CFAP54: variants seen among roughly 807,000 people sequenced by gnomAD.
CFAP54 encodes cilia and flagella associated protein 54.
Under a neutral mutation model 370.4 loss-of-function variants are expected in CFAP54, and 290 were observed. The ratio of observed to expected loss-of-function variants is 0.78; its 90% CI spans 0.71 to 0.86. The LOEUF (loss-of-function observed/expected upper bound fraction) is 0.86. Ranked by LOEUF, CFAP54 falls within the 40% of genes least tolerant of loss-of-function variation. The pLI, the probability that CFAP54 is intolerant of heterozygous loss-of-function variation, is 0.00. For missense variants in CFAP54, 3,399 were observed against 3,528.7 expected, an observed-to-expected ratio of 0.96 and a Z score of 0.93; for synonymous variants, 1,206 against 1,236.5, an observed-to-expected ratio of 0.98 and a Z score of 0.52.
At chr12:96,663,101 G>A (rs1957013409) in intron 38 of CFAP54, among the ~76,000 whole-genome samples, 1 of 152,164 alleles carries the variant, frequency 6.6e-6, no homozygotes, top group South Asian at 2.1e-4. Flanking sequence ...GGAAGCTGGA[G>A]AAATAGAAAA....
intron 58 of CFAP54, among the ~76,000 whole-genome samples, chr12:96,757,930 G>A (rs1204020031): frequency 2.0e-5 from 3 of 152,136 alleles, no homozygotes; most frequent in African/African-American, 7.2e-5. Context: ...TATTGATCAG[G>A]AAAATTCAAG....
At chr12:96,794,520 G>A (rs531546983) in intron 63 of CFAP54, among the ~76,000 whole-genome samples, 2 of 151,116 alleles carry the variant, frequency 1.3e-5, no homozygotes, top group South Asian at 4.2e-4. Context: ...ATACTTGTTC[G>A]ATTCTATTGT....
intron 19 of CFAP54, chr12:96,573,123 T>A: frequency 1.2e-6 from 1 of 805,852 alleles, no homozygotes; most frequent in Non-Finnish European, 1.5e-6. Flanking sequence ...GCTCCAGACA[T>A]AATCCCGAGG....
intron 2 of CFAP54, among the ~76,000 whole-genome samples, chr12:96,503,304 TTTTCC>T (rs1392311389): frequency 4.2e-5 from 6 of 144,098 alleles, no homozygotes; most frequent in South Asian, 4.6e-4. Context: ...TTCCCTTTTC[TTTTCC>T]TTTCCTTTCC....
chr12:96,757,732 C>G (rs891194730), intron 58 of CFAP54, 144 bp downstream of exon 58: 1 of 515,252 alleles, frequency 1.9e-6, no homozygotes, highest in Non-Finnish European at 3.4e-6. Flanking sequence ...ACACTTGTAA[C>G]TATGTTACAA....
chr12:96,495,817 A>T (rs559349560), intron 1 of CFAP54, among the ~76,000 whole-genome samples: 1 of 152,218 alleles, frequency 6.6e-6, no homozygotes, highest in East Asian at 1.9e-4. Context: ...TTTCTTTCTT[A>T]TTATATAATC....
At chr12:96,709,739 C>A (rs908345168) in intron 48 of CFAP54, among the ~76,000 whole-genome samples, 1 of 77,736 alleles carries the variant, frequency 1.3e-5, no homozygotes, top group Non-Finnish European at 2.6e-5. Context: ...TTATTGTTTT[C>A]GAGATGGAGT....
At chr12:96,647,613 G>A (rs900488579) in intron 33 of CFAP54, among the ~76,000 whole-genome samples, 3 of 151,740 alleles carry the variant, frequency 2.0e-5, no homozygotes, top group African/African-American at 4.8e-5. Flanking sequence ...CACAGAGCCG[G>A]CACAGATATT....
intron 61 of CFAP54, 126 bp from the exon 62 acceptor site, chr12:96,786,549 G>A (rs997335356): frequency 1.8e-5 from 12 of 675,824 alleles, no homozygotes; most frequent in Non-Finnish European, 2.4e-5. Context: ...ACAGAGGGAC[G>A]TCATTGGCAG....
rs75383522 is a variant in CFAP54, at chr12:96,543,989, G to T, written c.2077+3002G>T. ...CTCTGGCCTCCCTTTCCAATATTCA[G>T]ATGTGACTCTGTGATACTATGATAT... On this transcript the variant is annotated intron_variant, in intron 14 of 67. Transcript: ENST00000524981. Among the ~76,000 whole-genome samples the T allele has an allele frequency of 9.4e-3, 1,423 of 152,144 alleles. 23 individuals carry two copies. Among genetic ancestry groups the T allele is most frequent in the African/African-American group, 0.033 (1,351 of 41,498 alleles).
intron 60 of CFAP54, among the ~76,000 whole-genome samples, chr12:96,772,973 G>A (rs1366679253): frequency 6.6e-6 from 1 of 151,720 alleles, no homozygotes; most frequent in East Asian, 1.9e-4. Context: ...CTGGGGATTA[G>A]ACATGAACAT....
intron 9 of CFAP54, among the ~76,000 whole-genome samples, chr12:96,531,674 T>C (rs1293441500): frequency 6.6e-6 from 1 of 152,162 alleles, no homozygotes; most frequent in Non-Finnish European, 1.5e-5. Flanking sequence ...TCTACTCTTC[T>C]GTTTACCTAT....
intron 67 of CFAP54, among the ~76,000 whole-genome samples, chr12:96,862,740 A>G (rs1959908716): frequency 1.3e-5 from 2 of 152,190 alleles, no homozygotes; most frequent in Non-Finnish European, 2.9e-5. Flanking sequence ...TCAAACAGAA[A>G]AGCTATTTGG....
At chr12:96,729,394 C>G (rs1957887425) in intron 50 of CFAP54, among the ~76,000 whole-genome samples, 1 of 152,248 alleles carries the variant, frequency 6.6e-6, no homozygotes, top group South Asian at 2.1e-4. Context: ...GCGGGCGCCC[C>G]TCCCCCAGCC....
intron 49 of CFAP54, among the ~76,000 whole-genome samples, chr12:96,719,785 G>A (rs1039963611): frequency 6.6e-6 from 1 of 152,080 alleles, no homozygotes; most frequent in Admixed American, 6.6e-5. Flanking sequence ...CATGCTTTTT[G>A]AATTTTTGTC....
At position 96,515,794 on chromosome 12, in the gene CFAP54, A is replaced by G. The variant is rs142725468; in HGVS notation, c.798+2750A>G. On this transcript the variant is annotated intron_variant, in intron 5 of 67. Transcript: ENST00000524981. Reference sequence around the variant, plus strand: ...TGAGGTGGGCACTAGCATCATCATCATTAACATTGATTGAATGAATGCCTA... The same window carrying G: ...TGAGGTGGGCACTAGCATCATCATCGTTAACATTGATTGAATGAATGCCTA... Among the ~76,000 whole-genome samples, 688 of 151,914 alleles carry G rather than the reference A, an allele frequency of 4.5e-3. 3 individuals carry two copies. Among genetic ancestry groups the G allele is most frequent in the African/African-American group, 0.016 (654 of 41,432 alleles).
intron 41 of CFAP54, 143 bp from the exon 42 acceptor site, chr12:96,684,886 G>C (rs1299785272): frequency 4.1e-6 from 4 of 968,232 alleles, no homozygotes; most frequent in Admixed American, 2.5e-5. Flanking sequence ...CTACCTGAGA[G>C]AAACCATTAA....
intron 39 of CFAP54, among the ~76,000 whole-genome samples, chr12:96,668,801 C>A (rs1013902960): frequency 6.6e-6 from 1 of 152,206 alleles, no homozygotes; most frequent in Admixed American, 6.5e-5. Flanking sequence ...TGTAAGTCTT[C>A]CCTTTGAAGT....
At chr12:96,752,046 G>A (rs74463769) in intron 55 of CFAP54, among the ~76,000 whole-genome samples, 2,306 of 147,892 alleles carry the variant, frequency 0.016, 68 homozygotes, top group African/African-American at 0.053. Flanking sequence ...CTGCCATCCC[G>A]CCTGGTTCAG....
Sources: gnomAD v4.1 joint callset for allele counts (sites outside exome capture counted in the v4.1 genomes callset) on GRCh38, gnomAD v4.1.1 for gene constraint, MANE v1.5 for transcripts, NCBI Gene and HGNC (gene_info 2026-07-23, HGNC 2026-07-21) for gene names.